The following RBFOX1 variants were observed in gnomAD, a reference collection of about 807,000 sequenced individuals.
RBFOX1 encodes RNA binding protein fox-1 homolog 1.
In RBFOX1, 8 loss-of-function variants were observed where a neutral mutation model predicts 57.7. The ratio of observed to expected loss-of-function variants is 0.14; its 90% CI spans 0.08 to 0.25. The LOEUF is 0.25. RBFOX1 is among the 10% of genes least tolerant of loss of function. The pLI is 1.00. For missense variants in RBFOX1, 611 were observed against 548.5 expected (o/e 1.11, Z -1.14); for synonymous variants, 326 against 222.4 (o/e 1.47, Z -4.15).
chr16:5,299,999 C>G (rs375015188), intron 1 of RBFOX1, among the ~76,000 whole-genome samples: 2 of 151,116 alleles, frequency 1.3e-5, no homozygotes, highest in East Asian at 3.9e-4. Flanking sequence ...TTATAAAAAT[C>G]ATGAATGGGT....
At chr16:7,666,732 G>A (rs376145552) in intron 13 of RBFOX1, among the ~76,000 whole-genome samples, 5 of 152,232 alleles carry the variant, frequency 3.3e-5, no homozygotes, top group African/African-American at 1.2e-4. Context: ...AACAAAGTTA[G>A]AAGAAGGAAA....
chr16:6,400,480 G>A (rs2093024720), intron 2 of RBFOX1, among the ~76,000 whole-genome samples: 2 of 152,140 alleles, frequency 1.3e-5, no homozygotes, highest in South Asian at 4.1e-4. Flanking sequence ...TAAATTTACT[G>A]GTTGAAATGT....
chr16:6,866,537 TTC>T (rs2059940344), intron 3 of RBFOX1, among the ~76,000 whole-genome samples: 1 of 107,628 alleles, frequency 9.3e-6, no homozygotes, highest in African/African-American at 4.1e-5. Flanking sequence ...CTTTCTTTCC[TTC>T]TATTTTTTTT....
chr16:6,672,346 G>A (rs2154112300), intron 3 of RBFOX1, among the ~76,000 whole-genome samples: 1 of 151,594 alleles, frequency 6.6e-6, no homozygotes, highest in South Asian at 2.1e-4. Flanking sequence ...TGGCAGGGAG[G>A]GAGGAGAGTG....
chr16:6,842,514 T>C (rs916594154), intron 3 of RBFOX1, among the ~76,000 whole-genome samples: 2 of 152,148 alleles, frequency 1.3e-5, no homozygotes, highest in African/African-American at 4.8e-5. Flanking sequence ...TATATTTTTA[T>C]CCTGCCCTTT....
intron 3 of RBFOX1, among the ~76,000 whole-genome samples, chr16:6,745,408 A>G (rs1188676891): frequency 6.6e-6 from 1 of 152,196 alleles, no homozygotes; most frequent in Non-Finnish European, 1.5e-5. Flanking sequence ...TTCTAAAACA[A>G]CAAGCAAATG....
chr16:5,644,237 C>G (rs2048975110), intron 3 of RBFOX1, among the ~76,000 whole-genome samples: 1 of 151,960 alleles, frequency 6.6e-6, no homozygotes, highest in African/African-American at 2.4e-5. Flanking sequence ...AATTGGGGCT[C>G]TAATTAAATA....
chr16:6,356,987 C>T (rs1600051324), intron 2 of RBFOX1, among the ~76,000 whole-genome samples: 2 of 152,226 alleles, frequency 1.3e-5, no homozygotes, highest in Non-Finnish European at 2.9e-5. Context: ...GTAATGGATT[C>T]CCCCTTCCCC....
At chr16:5,313,128 G>A (rs1379727300) in intron 1 of RBFOX1, among the ~76,000 whole-genome samples, 1 of 152,160 alleles carries the variant, frequency 6.6e-6, no homozygotes, top group Non-Finnish European at 1.5e-5. Context: ...GGATACCGTT[G>A]CCCCCACTTT....
intron 4 of RBFOX1, among the ~76,000 whole-genome samples, chr16:7,114,311 A>G (rs552310749): frequency 3.6e-4 from 55 of 152,330 alleles, no homozygotes; most frequent in African/African-American, 1.3e-3. Flanking sequence ...TGAAAAAAAT[A>G]TGAATACCTG....
intron 2 of RBFOX1, among the ~76,000 whole-genome samples, chr16:5,527,956 T>C (rs2044308339): frequency 6.6e-6 from 1 of 152,190 alleles, no homozygotes; most frequent in African/African-American, 2.4e-5. Context: ...ATTGTATTAG[T>C]GTGAATTGCC....
At chr16:6,709,957 T>C (rs1193290565) in intron 3 of RBFOX1, among the ~76,000 whole-genome samples, 1 of 152,062 alleles carries the variant, frequency 6.6e-6, no homozygotes. Flanking sequence ...ATTTTGTGAG[T>C]TGGCAGACGG....
At chr16:6,722,654 A>G (rs1202409102) in intron 3 of RBFOX1, among the ~76,000 whole-genome samples, 1 of 152,238 alleles carries the variant, frequency 6.6e-6, no homozygotes. Flanking sequence ...ACTGGAAACC[A>G]TTTAAATATG....
At chr16:7,205,362 A>G (rs145445460) in intron 4 of RBFOX1, among the ~76,000 whole-genome samples, 319 of 152,064 alleles carry the variant, frequency 2.1e-3, no homozygotes, top group African/African-American at 7.1e-3. Flanking sequence ...TACTAAAAAT[A>G]CAAAAATTAG....
intron 2 of RBFOX1, among the ~76,000 whole-genome samples, chr16:6,551,967 A>G (rs180740174): frequency 1.3e-5 from 2 of 152,232 alleles, no homozygotes; most frequent in Non-Finnish European, 2.9e-5. Flanking sequence ...TTTGCCTCTC[A>G]TCTTCTAGTC....
chr16:6,485,275 T>C (rs933749160), intron 2 of RBFOX1, among the ~76,000 whole-genome samples: 1 of 152,312 alleles, frequency 6.6e-6, no homozygotes, highest in East Asian at 1.9e-4. Flanking sequence ...ACTCAGAGGT[T>C]ATGAAGAGGG....
At chr16:5,905,698 A>G (rs898720206) in intron 4 of RBFOX1, among the ~76,000 whole-genome samples, 4 of 152,072 alleles carry the variant, frequency 2.6e-5, no homozygotes, top group Non-Finnish European at 4.4e-5. Context: ...CGCAACAACA[A>G]AAGACACAGG....
exon 3 of RBFOX1, chr16:5,599,902 C>G (rs2047309194): frequency 1.3e-5 from 2 of 152,238 alleles, no homozygotes; most frequent in Non-Finnish European, 2.9e-5. Flanking sequence ...CCTAATGGAT[C>G]ACACCTATAA....
At chr16:7,501,063 C>T (rs886969604) in intron 4 of RBFOX1, among the ~76,000 whole-genome samples, 1 of 152,196 alleles carries the variant, frequency 6.6e-6, no homozygotes, top group Non-Finnish European at 1.5e-5. Context: ...TCCAGCCAGG[C>T]TGAACTGTGA....
Sources: gnomAD v4.1 joint callset for allele counts (sites outside exome capture counted in the v4.1 genomes callset) on GRCh38, gnomAD v4.1.1 for gene constraint, MANE v1.5 for transcripts, NCBI Gene and HGNC (gene_info 2026-07-23, HGNC 2026-07-21) for gene names.